CTDSP2: variants seen among roughly 807,000 people sequenced by gnomAD.
CTDSP2 encodes CTD small phosphatase 2, also known as carboxy-terminal domain RNA polymerase II polypeptide A small phosphatase 2.
In CTDSP2, 9 loss-of-function variants were observed where a neutral mutation model predicts 31.6. The ratio of observed to expected loss-of-function variants is 0.28; its 90% CI spans 0.17 to 0.50. The LOEUF is 0.50. CTDSP2 is among the 20% of genes least tolerant of loss of function. CTDSP2 has a pLI of 0.98. For missense variants in CTDSP2, 267 were observed against 348.5 expected (o/e 0.77, Z 1.86); for synonymous variants, 134 against 134.5 (o/e 1.00, Z 0.03).
rs1956168375 is a variant in CTDSP2 at position 57,824,230 on chromosome 12, G to A, written c.501C>T (p.Ala167=). The A allele has an allele frequency of 6.2e-7, 1 of 1,613,956 alleles. No homozygotes were observed. Among genetic ancestry groups the A allele is most frequent in the East Asian group, 2.2e-5 (1 of 44,884 alleles). Residue 167 remains alanine (A), a synonymous_variant, in exon 6 of 8, where the codon GCC becomes GCT. Transcript: ENST00000398073. The part of the protein sequence containing the change: ...FECVLFTASL[A]KYADPVTDLL... ...CTTCCCTCTCACCCCTAGGTACCTT[G>A]GCCAGGCTGGCAGTGAAGAGAACAC...
At chr12:57,831,517 A>G (rs1956215810) in intron 1 of CTDSP2, among the ~76,000 whole-genome samples, 1 of 152,186 alleles carries the variant, frequency 6.6e-6, no homozygotes, top group Non-Finnish European at 1.5e-5. Flanking sequence ...ATGACTGTTG[A>G]GCAAGAGTAG....
intron 1 of CTDSP2, among the ~76,000 whole-genome samples, chr12:57,832,518 G>A (rs1308162278): frequency 6.6e-6 from 1 of 152,026 alleles, no homozygotes. Flanking sequence ...CAGGGCGGTC[G>A]TGGTGGCTCA....
chr12:57,835,439 G>A (rs1174280294), intron 1 of CTDSP2, among the ~76,000 whole-genome samples: 5 of 152,096 alleles, frequency 3.3e-5, no homozygotes, highest in Non-Finnish European at 7.4e-5. Context: ...TTACAGGCAT[G>A]AGCCACCATG....
At chr12:57,824,978 G>A (rs1031945119) in intron 5 of CTDSP2, among the ~76,000 whole-genome samples, 4 of 152,138 alleles carry the variant, frequency 2.6e-5, no homozygotes, top group African/African-American at 9.7e-5. Context: ...CTACACAGCT[G>A]CTACTAGAAC....
intron 1 of CTDSP2, among the ~76,000 whole-genome samples, chr12:57,834,889 G>A (rs1177429734): frequency 2.0e-5 from 3 of 152,158 alleles, no homozygotes; most frequent in Non-Finnish European, 2.9e-5. Context: ...TTGGGAGGCC[G>A]AGGCGGGCGG....
chr12:57,843,201 G>A (rs1956293430), intron 1 of CTDSP2, among the ~76,000 whole-genome samples: 1 of 152,228 alleles, frequency 6.6e-6, no homozygotes, highest in Non-Finnish European at 1.5e-5. Context: ...TTACAGCGTG[G>A]GTCTTGTTTC....
chr12:57,825,330 G>C (rs144506463), intron 5 of CTDSP2, among the ~76,000 whole-genome samples: 1 of 152,062 alleles, frequency 6.6e-6, no homozygotes, highest in Non-Finnish European at 1.5e-5. Context: ...CCATTCCTTC[G>C]ACCTCCAACA....
At chr12:57,825,320 C>A (rs779923968) in intron 5 of CTDSP2, among the ~76,000 whole-genome samples, 1 of 152,210 alleles carries the variant, frequency 6.6e-6, no homozygotes, top group Non-Finnish European at 1.5e-5. Flanking sequence ...TGTTAGCCTG[C>A]CATTCCTTCG....
At chr12:57,846,346 A>G (rs1956316145) in intron 1 of CTDSP2, 26 bp downstream of exon 1, 1 of 1,595,188 alleles carries the variant, frequency 6.3e-7, no homozygotes, top group Non-Finnish European at 8.5e-7. Context: ...GGGCGACGCA[A>G]AGTTTTGGGA....
chr12:57,821,821 A>AGAC lies in CTDSP2; in HGVS notation c.*1778_*1780dup, dbSNP rs1387299998. 1.3e-5 allele frequency: 2 copies of AGAC among 152,242 alleles called. No homozygotes were observed. The highest frequency in any genetic ancestry group is 2.9e-5 in the Non-Finnish European group (2 of 68,064). 9.4% of individuals were successfully genotyped at this position (152,242 alleles called of 1,614,324 possible). On this transcript the variant is annotated 3_prime_UTR_variant, in exon 8 of 8. Transcript: ENST00000398073. ...TTCCACTTTATGATTCCAAAGAGAAAGACAAGGCCTTATAACCTTGGGACA... is the reference window on the plus strand; with the variant it reads ...TTCCACTTTATGATTCCAAAGAGAAAGACGACAAGGCCTTATAACCTTGGGACA...
At position 57,824,142 on chromosome 12, in the gene CTDSP2, A is replaced by G. The variant is rs868454867; in HGVS notation, c.505-53T>C. ...GGATACACTCCTGGTCCTCCTGTAT[A>G]ACCCTAGGGACCAAAAGGGAGCTGC... On this transcript the variant is annotated intron_variant, in intron 6 of 7. Coordinates refer to ENST00000398073, the MANE Select transcript of CTDSP2 (RefSeq NM_005730.4). 9.3e-6 allele frequency: 15 copies of G among 1,611,434 alleles called. No homozygotes were observed. The Middle Eastern group carries it at 1.3e-3, about 141-fold the overall frequency.
In CTDSP2 at chr12:57,829,563, C is replaced by T. The variant is rs764230836; in HGVS notation, c.98G>A (p.Arg33His). 91 of 1,614,002 alleles carry T rather than the reference C, an allele frequency of 5.6e-5. No individual in the cohort carries two copies. The East Asian group carries it at 6.5e-4, about 11-fold the overall frequency. The change falls in exon 2 of 8, where the codon CGT (arginine) becomes CAT (histidine). Residue 33 changes from arginine to histidine, a missense_variant. Transcript: ENST00000398073. ...LVSKSSPKKPRGRNIFKALFC... is the reference protein window; with the variant it reads ...LVSKSSPKKPHGRNIFKALFC... ...AAGGGCCTTGAAGATGTTACGTCCA[C>T]GAGGCTTCTTAGGAGAGGACTTGGA...
intron 1 of CTDSP2, 139 bp downstream of exon 1, chr12:57,846,233 G>A: frequency 2.8e-6 from 2 of 701,812 alleles, no homozygotes; most frequent in East Asian, 3.3e-5. Context: ...GGATGCGGGG[G>A]CGGATGGACC....
chr12:57,826,355 G>T lies in CTDSP2; in HGVS notation c.402C>A (p.Thr134=). ...DFIVPIEIEG[T]THQVYVLKRP... is the part of the protein sequence containing the mutation. ...CTGGCTGGCAGCTCACCTGGTGAGT[G>T]GTCCCCTCAATCTCTATAGGCACTA... The change falls in exon 5 of 8, where the codon ACC becomes ACA. Residue 134 remains threonine (T), a synonymous_variant. Transcript: ENST00000398073. 6.2e-7 allele frequency: 1 copy of T among 1,614,008 alleles called. No individual in the cohort carries two copies.
chr12:57,842,651 A>G (rs538093371), intron 1 of CTDSP2: 9 of 152,248 alleles, frequency 5.9e-5, no homozygotes, highest in African/African-American at 1.9e-4. Context: ...TGGGGGAAAA[A>G]CTCCAAAGGA....
chr12:57,842,010 C>T (rs2140485253), intron 1 of CTDSP2, among the ~76,000 whole-genome samples: 1 of 152,228 alleles, frequency 6.6e-6, no homozygotes, highest in South Asian at 2.1e-4. Context: ...TTTGAAGTAA[C>T]AATGTAAACT....
chr12:57,843,252 C>T (rs1315055757), intron 1 of CTDSP2, among the ~76,000 whole-genome samples: 6 of 152,212 alleles, frequency 3.9e-5, no homozygotes, highest in African/African-American at 1.4e-4. Context: ...AAGGTCACAA[C>T]CTCTTAGCAA....
At chr12:57,830,970 ACTC>A (rs1956211903) in intron 1 of CTDSP2, among the ~76,000 whole-genome samples, 1 of 148,636 alleles carries the variant, frequency 6.7e-6, no homozygotes, top group South Asian at 2.2e-4. Flanking sequence ...CTGGTCTTGA[ACTC>A]CTGACCTCAG....
At chr12:57,838,876 T>A (rs1490818461) in intron 1 of CTDSP2, among the ~76,000 whole-genome samples, 1 of 152,240 alleles carries the variant, frequency 6.6e-6, no homozygotes, top group Non-Finnish European at 1.5e-5. Context: ...TGTCAACTGC[T>A]ACTCATTAAG....
Sources: allele counts gnomAD v4.1 joint callset (sites outside exome capture counted in the v4.1 genomes callset), GRCh38; gene constraint gnomAD v4.1.1; transcripts MANE v1.5; gene names NCBI Gene and HGNC (gene_info 2026-07-23, HGNC 2026-07-21).